The following C9orf43 variants were observed in gnomAD, a reference collection of about 807,000 sequenced individuals.
C9orf43 encodes the protein uncharacterized protein C9orf43.
Under a neutral mutation model 59.1 loss-of-function variants are expected in C9orf43, and 45 were observed. That is an observed-to-expected ratio of 0.76 (90% CI 0.60 to 0.98). C9orf43 has a LOEUF of 0.98. Ranked by LOEUF, C9orf43 falls within the 50% of genes least tolerant of loss-of-function variation. The probability of loss-of-function intolerance (pLI) is 0.00; values close to 1 mark genes in which losing one functional copy is unlikely to be tolerated. For missense variants in C9orf43, 533 were observed against 554.9 expected (o/e 0.96, Z 0.40); for synonymous variants, 203 against 196.8 (o/e 1.03, Z -0.26).
Position 113,413,834 on chromosome 9 carries a change from T to C in C9orf43, c.227T>C (p.Phe76Ser). ...FAAHHLPECT[F>S]TKAHSLLSQS... ...GCTCATCATTTACCAGAATGTACCT[T>C]TACTAAGGCCCATTCTTTATTGTCT... Residue 76 changes from phenylalanine to serine, a missense_variant, in exon 3 of 14, where the codon TTT (phenylalanine) becomes TCT (serine). By Grantham distance (155) the Phe-to-Ser change is radical. Transcript: ENST00000374165. 1 of 1,614,146 alleles carries C rather than the reference T, an allele frequency of 6.2e-7. No homozygotes were observed. The highest frequency in any genetic ancestry group is 2.2e-5 in the East Asian group (1 of 44,892).
intron 10 of C9orf43, 73 bp from the exon 11 acceptor site, chr9:113,425,570 T>C (rs1828757157): frequency 6.5e-6 from 10 of 1,535,816 alleles, no homozygotes; most frequent in Non-Finnish European, 8.9e-6. Context: ...TTCCTTCTTT[T>C]TGATATTCCT....
At chr9:113,424,949 T>A (rs1422816729) in intron 8 of C9orf43, 70 bp from the exon 9 acceptor site, 7 of 1,357,964 alleles carry the variant, frequency 5.2e-6, no homozygotes, top group Non-Finnish European at 6.2e-6. Flanking sequence ...ATAAACGCAT[T>A]TGGGGGATAC....
intron 8 of C9orf43, 45 bp from the exon 9 acceptor site, chr9:113,424,974 A>G (rs1396290937): frequency 6.5e-7 from 1 of 1,544,256 alleles, no homozygotes; most frequent in Non-Finnish European, 8.8e-7. Context: ...GGAGAAAGGG[A>G]AAGACCTGCA....
At chr9:113,429,062 C>T in intron 13 of C9orf43, 99 bp downstream of exon 13, 2 of 1,479,462 alleles carry the variant, frequency 1.4e-6, no homozygotes, top group African/African-American at 1.4e-5. Flanking sequence ...AGGCACAGTT[C>T]CTCTATCTCA....
chr9:113,424,461 A>G, intron 8 of C9orf43, 145 bp downstream of exon 8: 1 of 781,830 alleles, frequency 1.3e-6, no homozygotes, highest in Non-Finnish European at 2.0e-6. Flanking sequence ...GCTGGGCTCT[A>G]TGTATGTAAA....
In C9orf43 at chr9:113,422,565, A is replaced by T; in HGVS notation, c.463A>T (p.Lys155Ter). ...EIHVSQHGKK[K>*]RKNSAVKSKS... Reference sequence around the variant, plus strand: ...TTTCTCCAGCCAGCATGGGAAGAAGAAAAGAAAGAACTCGGCAGTGGTGAG... The same window carrying T: ...TTTCTCCAGCCAGCATGGGAAGAAGTAAAGAAAGAACTCGGCAGTGGTGAG... The change falls in exon 6 of 14, where the codon AAA (lysine) becomes TAA (stop). Residue 155 changes from lysine (K) to a stop codon, truncating the protein, a stop_gained. Transcript: ENST00000374165. LOFTEE classifies it high-confidence loss of function. The T allele has an allele frequency of 1.9e-6, 3 of 1,614,036 alleles. No homozygotes were observed. The highest frequency in any genetic ancestry group is 2.5e-6 in the Non-Finnish European group (3 of 1,179,972).
rs1188863908 is a variant in C9orf43, at chr9:113,424,545, A to G, written c.807+229A>G. Among the ~76,000 whole-genome samples the G allele has an allele frequency of 3.6e-5, 5 of 140,488 alleles. No individual in the cohort carries two copies. In the South Asian group the frequency reaches 1.1e-3, roughly 32 times the overall value. 92.2% of individuals were successfully genotyped at this position (140,488 alleles called of 152,430 possible). A position where few individuals can be genotyped will look rare whatever the true frequency, so the allele number is the denominator to read the frequency against. On this transcript the variant is annotated intron_variant, in intron 8 of 13. Coordinates refer to ENST00000374165, the MANE Select transcript of C9orf43 (RefSeq NM_001278629.2). ...CTTTTTTTTTTTTTTTTCTTTTTTG[A>G]GAGACTGGGTCTCACTCTGTCACCC...
chr9:113,413,613 C>G lies in C9orf43; in HGVS notation c.120C>G (p.Gly40=). ...AGAGGGGCCATCCTCGAATCCTCGG[C>G]TCATCCTGCAAAACTCCCCTGGATG... ...RIERGHPRIL[G]SSCKTPLDAE... Residue 40 remains glycine, a synonymous_variant, in exon 2 of 14, where the codon GGC becomes GGG. Transcript: ENST00000374165. 2 of 1,614,220 alleles carry G rather than the reference C, an allele frequency of 1.2e-6. No homozygotes were observed. The highest frequency in any genetic ancestry group is 1.7e-6 in the Non-Finnish European group (2 of 1,180,018).
chr9:113,425,972 C>T (rs1381794960), intron 11 of C9orf43, among the ~76,000 whole-genome samples: 1 of 152,158 alleles, frequency 6.6e-6, no homozygotes. Context: ...TGACCATGAA[C>T]ATGAATCCCA....
Position 113,410,991 on chromosome 9 carries a change from TTGTAATA to T in C9orf43, c.-59_-53del. On this transcript the variant is annotated 5_prime_UTR_variant, in exon 1 of 14. The change creates a premature stop within an existing upstream ORF in the 5' untranslated region. Transcript: ENST00000374165. ...TTTAATCTTTTCGCCCCTCACGCTT[TTGTAATA>T]ATGGTACTAAGACTGAGTGTTATTT... 1.0e-6 allele frequency: 1 copy of T among 986,376 alleles called. No homozygotes were observed. The highest frequency in any genetic ancestry group is 1.2e-6 in the Non-Finnish European group (1 of 830,512). The allele number at this position is 986,376 out of a possible 1,614,324, so 61.1% of individuals were successfully genotyped here.
intron 3 of C9orf43, among the ~76,000 whole-genome samples, chr9:113,416,886 C>T (rs1828380024): frequency 6.6e-6 from 1 of 152,132 alleles, no homozygotes; most frequent in Non-Finnish European, 1.5e-5. Flanking sequence ...AAAATTGCCC[C>T]CTTGTTGAGA....
At chr9:113,412,234 T>C (rs1828193542) in intron 1 of C9orf43, among the ~76,000 whole-genome samples, 1 of 152,180 alleles carries the variant, frequency 6.6e-6, no homozygotes, top group South Asian at 2.1e-4. Context: ...TCAACTGGAA[T>C]TGGGCTCAGT....
At chr9:113,415,339 T>G (rs1451613123) in intron 3 of C9orf43, among the ~76,000 whole-genome samples, 2 of 152,188 alleles carry the variant, frequency 1.3e-5, no homozygotes, top group Non-Finnish European at 2.9e-5. Flanking sequence ...AGACAGGTTT[T>G]CGCCATGTTT....
rs34261041 is a variant in C9orf43, at chr9:113,411,455, C to A, written c.-50+454C>A. ...CTGGGACTACAGACGCCCGCCACCA[C>A]GCCCGGCTAATTTTTTTGTATTTTT... On this transcript the variant is annotated intron_variant, in intron 1 of 13. Coordinates refer to ENST00000374165, the MANE Select transcript of C9orf43 (RefSeq NM_001278629.2). Among the ~76,000 whole-genome samples the A allele has an allele frequency of 5.6e-3, 852 of 152,088 alleles. 5 individuals are homozygous for A. The highest frequency in any genetic ancestry group is 0.01 in the Non-Finnish European group (697 of 67,958).
At chr9:113,414,266 G>A (rs1335999435) in intron 3 of C9orf43, among the ~76,000 whole-genome samples, 1 of 151,890 alleles carries the variant, frequency 6.6e-6, no homozygotes, top group Non-Finnish European at 1.5e-5. Context: ...TATACCCTGT[G>A]TCCTTTTTAT....
At chr9:113,420,960 G>A in intron 4 of C9orf43, 143 bp from the exon 5 acceptor site, 1 of 828,530 alleles carries the variant, frequency 1.2e-6, no homozygotes, top group Non-Finnish European at 1.8e-6. Flanking sequence ...TGTTTTTTTT[G>A]GGAGAATATT....
In C9orf43 at chr9:113,429,338, G is replaced by T. The variant is rs909654166; in HGVS notation, c.1338G>T (p.Gln446His). 2 of 1,614,054 alleles carry T rather than the reference G, an allele frequency of 1.2e-6. No individual in the cohort carries two copies. Among genetic ancestry groups the T allele is most frequent in the Non-Finnish European group, 1.7e-6 (2 of 1,180,046 alleles). Residue 446 changes from glutamine (Q) to histidine (H), a missense_variant, in exon 14 of 14, where the codon CAG becomes CAT. By Grantham distance (24) the Gln-to-His change is conservative. Transcript: ENST00000374165. ...AGCTCAAACTACTTAGGATTCTTCA[G>T]GACACTGATGATGAGGATGAGGAGG... ...NSELKLLRILQDTDDEDEEDQ... is the reference protein window; with the variant it reads ...NSELKLLRILHDTDDEDEEDQ...
In C9orf43 at chr9:113,425,458, G is replaced by A. The variant is rs752333438; in HGVS notation, c.942+38G>A. ...TGAGGGGCTTGCTGGGACTGGGAGA[G>A]GTCTACAGCCTGGAATGGGAAGGGA... On this transcript the variant is annotated intron_variant, in intron 10 of 13. Transcript: ENST00000374165. The A allele has an allele frequency of 5.7e-6, 9 of 1,592,664 alleles. No homozygotes were observed. In the South Asian group the frequency reaches 7.8e-5, roughly 14 times the overall value.
rs1828310915 is a variant in C9orf43 at position 113,415,134 on chromosome 9, GTCTT to G, written c.287+1244_287+1247del. On this transcript the variant is annotated intron_variant, in intron 3 of 13. Transcript: ENST00000374165. ...GGTGTGAGCCACCATGCCCAACCCT[GTCTT>G]TCTATTTCCTTTTTTTTTGGTGGGG... is the stretch of plus-strand genomic sequence containing the variant. Among the ~76,000 whole-genome samples the G allele has an allele frequency of 2.0e-5, 3 of 151,050 alleles. No homozygotes were observed. The South Asian group carries it at 6.3e-4, about 32-fold the overall frequency.
Sources: gnomAD v4.1 joint callset for allele counts (sites outside exome capture counted in the v4.1 genomes callset) on GRCh38, gnomAD v4.1.1 for gene constraint, MANE v1.5 for transcripts, NCBI Gene and HGNC (gene_info 2026-07-23, HGNC 2026-07-21) for gene names.